The following POMT2 variants were observed in gnomAD, a reference collection of about 807,000 sequenced individuals.
The protein encoded by POMT2 is protein O-mannosyl-transferase 2.
Under a neutral mutation model 100.0 loss-of-function variants are expected in POMT2, and 75 were observed. That is an observed-to-expected ratio of 0.75 (90% CI 0.62 to 0.91). The LOEUF (loss-of-function observed/expected upper bound fraction) is 0.91, where lower values mean the gene tolerates loss of function less well. POMT2 is among the 40% of genes least tolerant of loss of function. The pLI is 0.00. For missense variants in POMT2, 940 were observed against 955.1 expected, an observed-to-expected ratio of 0.98 and a Z score of 0.21; for synonymous variants, 378 against 374.1, an observed-to-expected ratio of 1.01 and a Z score of -0.12.
rs2140219337 is a variant in POMT2, at chr14:77,296,267, G to A, written c.1013C>T (p.Ala338Val). ...CTTCACAGTGATCACAGAGCCGTAG[G>A]CCAGGTCTGGGAGGAAGGGAGACAG... ...LHNASIPEHL[A>V]YGSVITVKNL... Residue 338 changes from alanine to valine, a missense_variant, in exon 9 of 21, where the codon GCC (alanine) becomes GTC (valine). By Grantham distance (64) the Ala-to-Val change is moderately conservative. Coordinates refer to ENST00000261534, the MANE Select transcript of POMT2 (RefSeq NM_013382.7). The A allele has an allele frequency of 1.3e-6, 2 of 1,598,588 alleles. No individual in the cohort carries two copies.
chr14:77,291,290 A>G (rs745597823), intron 10 of POMT2, 24 bp downstream of exon 10: 45 of 1,606,512 alleles, frequency 2.8e-5, no homozygotes, highest in Non-Finnish European at 3.7e-5. Context: ...CAGCACAAGA[A>G]GCATCAGTCT....
chr14:77,320,414 G>A lies in POMT2; in HGVS notation c.248+20C>T. On this transcript the variant is annotated intron_variant, in intron 1 of 20. Transcript: ENST00000261534. ...CGTCGCGGTTGCCATGGTGCCCGCC[G>A]AGTCCCTCCCATCACTCACCAGATG... The A allele has an allele frequency of 6.5e-7, 1 of 1,545,872 alleles. No individual in the cohort carries two copies. The highest frequency in any genetic ancestry group is 8.7e-7 in the Non-Finnish European group (1 of 1,146,814).
intron 6 of POMT2, 41 bp downstream of exon 6, chr14:77,301,049 G>A (rs1312010436): frequency 2.5e-6 from 4 of 1,612,884 alleles, no homozygotes; most frequent in Non-Finnish European, 3.4e-6. Context: ...AGCAACATCA[G>A]GGAGCAAAAA....
intron 2 of POMT2, among the ~76,000 whole-genome samples, chr14:77,311,672 C>T (rs1039432293): frequency 6.6e-6 from 1 of 152,360 alleles, no homozygotes; most frequent in South Asian, 2.1e-4. Context: ...AGAACCTCAT[C>T]CCTTTTTATG....
intron 3 of POMT2, 79 bp from the exon 4 acceptor site, chr14:77,304,879 T>C (rs1293378841): frequency 1.9e-6 from 3 of 1,539,738 alleles, no homozygotes; most frequent in South Asian, 2.4e-5. Context: ...CAACCTAACA[T>C]TTAAGACAGG....
At chr14:77,313,424 C>T (rs928726172) in intron 1 of POMT2, among the ~76,000 whole-genome samples, 2 of 152,214 alleles carry the variant, frequency 1.3e-5, no homozygotes, top group Non-Finnish European at 2.9e-5. Flanking sequence ...GTCCCAGCTC[C>T]ACCACTAATT....
chr14:77,298,645 C>T (rs1331446421), intron 8 of POMT2, 44 bp downstream of exon 8: 1 of 1,601,952 alleles, frequency 6.2e-7, no homozygotes, highest in South Asian at 1.1e-5. Flanking sequence ...ACTCCCAGGA[C>T]ACCCCTCTGC....
rs201897018 is a variant in POMT2 at position 77,291,399 on chromosome 14, C to T, written c.1117-19G>A. 34 of 1,373,050 alleles carry T rather than the reference C, an allele frequency of 2.5e-5. No individual in the cohort carries two copies. In the East Asian group the frequency reaches 6.1e-4, roughly 24 times the overall value. 85.1% of individuals were successfully genotyped at this position (1,373,050 alleles called of 1,614,324 possible). On this transcript the variant is annotated intron_variant, in intron 9 of 20. Transcript: ENST00000261534. ...TGGTGACCTGGGTGGGGGGTGGGGGCGGAGGGAAGAGGAAGCAGGAGGGAG... is the reference window on the plus strand; with the variant it reads ...TGGTGACCTGGGTGGGGGGTGGGGGTGGAGGGAAGAGGAAGCAGGAGGGAG...
At chr14:77,302,029 G>C (rs1363741578) in intron 5 of POMT2, among the ~76,000 whole-genome samples, 1 of 152,212 alleles carries the variant, frequency 6.6e-6, no homozygotes, top group Non-Finnish European at 1.5e-5. Flanking sequence ...ATGGTAGATG[G>C]AAGTGGATGT....
intron 13 of POMT2, 114 bp from the exon 14 acceptor site, chr14:77,285,155 A>G: frequency 2.1e-6 from 2 of 955,932 alleles, no homozygotes; most frequent in Non-Finnish European, 3.3e-6. Context: ...CATGGTGGCC[A>G]TTATTTCTTC....
chr14:77,288,898 C>G, intron 10 of POMT2, 67 bp from the exon 11 acceptor site: 1 of 1,342,382 alleles, frequency 7.4e-7, no homozygotes, highest in Non-Finnish European at 1.1e-6. Context: ...CAAGGGCCTA[C>G]TGGTAAACAG....
chr14:77,320,284 G>A, intron 1 of POMT2, 150 bp downstream of exon 1: 1 of 1,369,778 alleles, frequency 7.3e-7, no homozygotes, highest in Admixed American at 2.0e-5. Flanking sequence ...AATGCACCTC[G>A]CCAGAGGCCA....
At chr14:77,299,582 G>A (rs745435482) in intron 6 of POMT2, 21 bp from the exon 7 acceptor site, 17 of 1,591,898 alleles carry the variant, frequency 1.1e-5, no homozygotes, top group Non-Finnish European at 1.3e-5. Context: ...AGGCCAGCGT[G>A]GGGTGCTAGG....
intron 9 of POMT2, among the ~76,000 whole-genome samples, chr14:77,293,036 T>G (rs2140209122): frequency 6.6e-6 from 1 of 152,354 alleles, no homozygotes; most frequent in Non-Finnish European, 1.5e-5. Flanking sequence ...TTATTTTGCT[T>G]GCATTATGGC....
rs566495604 is a variant in POMT2, at chr14:77,316,988, G to A, written c.248+3446C>T. On this transcript the variant is annotated intron_variant, in intron 1 of 20. Coordinates refer to ENST00000261534, the MANE Select transcript of POMT2 (RefSeq NM_013382.7). The stretch of plus-strand genomic sequence containing the variant: ...GCCCACACTAAGGGCAGGTACTCTC[G>A]TAAGACTGACTGGAATCAAACTGCT... Among the ~76,000 whole-genome samples, 473 of 152,296 alleles carry A rather than the reference G, an allele frequency of 3.1e-3. 3 individuals are homozygous for A. Among genetic ancestry groups the A allele is most frequent in the Middle Eastern group, 0.014 (4 of 294 alleles).
At position 77,304,804 on chromosome 14, in the gene POMT2, T is replaced by C. The variant is rs1024657399; in HGVS notation, c.439-4A>G. The C allele has an allele frequency of 6.3e-7, 1 of 1,581,962 alleles. No homozygotes were observed. Among genetic ancestry groups the C allele is most frequent in the Non-Finnish European group, 8.6e-7 (1 of 1,164,034 alleles). ...AGGAGCCAAGGAATGCACAGAACTG[T>C]GGGAGGAATAGAGAAGCTGTCAAAT... On this transcript the variant is annotated splice_polypyrimidine_tract_variant and splice_region_variant and intron_variant, in intron 3 of 20. Transcript: ENST00000261534.
chr14:77,280,483 A>C lies in POMT2; in HGVS notation c.1654-20T>G. On this transcript the variant is annotated intron_variant, in intron 15 of 20. Coordinates refer to ENST00000261534, the MANE Select transcript of POMT2 (RefSeq NM_013382.7). The stretch of plus-strand genomic sequence containing the variant: ...GTTCCCCTGCATGAAGGTAGCAAAG[A>C]AAGCTAGTCAAGACAGAGATCTAGA... 1.2e-6 allele frequency: 2 copies of C among 1,614,166 alleles called. No individual in the cohort carries two copies. The highest frequency in any genetic ancestry group is 1.7e-6 in the Non-Finnish European group (2 of 1,180,040).
chr14:77,284,444 GA>G (rs1890344525), intron 14 of POMT2: 1 of 205,688 alleles, frequency 4.9e-6, no homozygotes, highest in Non-Finnish European at 1.0e-5. Context: ...GGTAGTTTAG[GA>G]AAACAGATGA....
At position 77,295,999 on chromosome 14, in the gene POMT2, G is replaced by A. The variant is rs67600987; in HGVS notation, c.1116+165C>T. Among the ~76,000 whole-genome samples the A allele has an allele frequency of 0.09, 13,675 of 152,126 alleles. 782 individuals are homozygous for A. Among genetic ancestry groups the A allele is most frequent in the South Asian group, 0.19 (922 of 4,816 alleles). ...GTTGTCACTAAAGAACACCTATGCT[G>A]ATGCCTAGAGAAGCTGGGGTTAGCC... On this transcript the variant is annotated intron_variant, in intron 9 of 20. Coordinates refer to ENST00000261534, the MANE Select transcript of POMT2 (RefSeq NM_013382.7).
Sources: allele counts gnomAD v4.1 joint callset (sites outside exome capture counted in the v4.1 genomes callset), GRCh38; gene constraint gnomAD v4.1.1; transcripts MANE v1.5; gene names NCBI Gene and HGNC (gene_info 2026-07-23, HGNC 2026-07-21).